The following LY86 variants were observed in gnomAD, a reference collection of about 807,000 sequenced individuals.
LY86 encodes lymphocyte antigen 86.
Under a neutral mutation model 17.3 loss-of-function variants are expected in LY86, and 20 were observed. The observed-to-expected ratio is 1.15, with a 90% CI of 0.81 to 1.68. The LOEUF (loss-of-function observed/expected upper bound fraction) is 1.68. Among genes scored for constraint, LY86 ranks in the 40% most tolerant of loss-of-function variants. The pLI, the probability that LY86 is intolerant of heterozygous loss-of-function variation, is 0.00. For missense variants in LY86, 200 were observed against 191.9 expected (o/e 1.04, Z -0.25); for synonymous variants, 74 against 70.6 (o/e 1.05, Z -0.24).
Position 6,606,140 on chromosome 6 carries a change from G to T in LY86, c.136+17270G>T, listed in dbSNP as rs550939686. On this transcript the variant is annotated intron_variant, in intron 1 of 4. Transcript: ENST00000230568. ...TCCATTTTACAGAGAAGGCCGAGTGGTCCATTTTGACAGGGCACTGATTGG... is the reference window on the plus strand; with the variant it reads ...TCCATTTTACAGAGAAGGCCGAGTGTTCCATTTTGACAGGGCACTGATTGG... Among the ~76,000 whole-genome samples, 21 of 152,258 alleles carry T rather than the reference G, an allele frequency of 1.4e-4. No homozygotes were observed. The South Asian group carries it at 4.0e-3, about 29-fold the overall frequency.
chr6:6,603,630 A>AC (rs1760995571), intron 1 of LY86, among the ~76,000 whole-genome samples: 1 of 127,438 alleles, frequency 7.8e-6, no homozygotes, highest in Middle Eastern at 4.3e-3. Context: ...AAAAAAAAAC[A>AC]AAACACACAC....
At chr6:6,637,822 C>T (rs939573057) in intron 3 of LY86, among the ~76,000 whole-genome samples, 1 of 152,228 alleles carries the variant, frequency 6.6e-6, no homozygotes, top group Non-Finnish European at 1.5e-5. Flanking sequence ...CTTCTCTTTG[C>T]TTCCATCATC....
chr6:6,623,546 G>C (rs542303256), intron 1 of LY86, among the ~76,000 whole-genome samples: 9 of 152,254 alleles, frequency 5.9e-5, no homozygotes, highest in African/African-American at 2.2e-4. Context: ...TGATTACCGA[G>C]AGCCCAGTGA....
intron 1 of LY86, among the ~76,000 whole-genome samples, chr6:6,602,322 C>G (rs1760934407): frequency 6.6e-6 from 1 of 152,224 alleles, no homozygotes; most frequent in Admixed American, 6.5e-5. Flanking sequence ...TGATAACTAG[C>G]AGACCCAAAT....
intron 3 of LY86, among the ~76,000 whole-genome samples, chr6:6,643,621 C>A (rs1282918863): frequency 6.6e-6 from 1 of 152,144 alleles, no homozygotes; most frequent in Non-Finnish European, 1.5e-5. Flanking sequence ...GTGTATTGTG[C>A]GTTGCTAACG....
chr6:6,611,133 T>C (rs1340072837), intron 1 of LY86, among the ~76,000 whole-genome samples: 1 of 152,236 alleles, frequency 6.6e-6, no homozygotes, highest in East Asian at 1.9e-4. Context: ...CTGGACTGTT[T>C]GCATTTATAT....
At chr6:6,632,064 G>A (rs562454431) in intron 3 of LY86, among the ~76,000 whole-genome samples, 1 of 152,300 alleles carries the variant, frequency 6.6e-6, no homozygotes, top group East Asian at 1.9e-4. Flanking sequence ...CAGGTATGCG[G>A]GGGCTGTCAC....
chr6:6,595,928 CT>C (rs1233093037), intron 1 of LY86, among the ~76,000 whole-genome samples: 1 of 152,168 alleles, frequency 6.6e-6, no homozygotes, highest in East Asian at 1.9e-4. Context: ...TGGCAGCCCC[CT>C]GGAAGCATCC....
chr6:6,637,454 A>G (rs1215304693), intron 3 of LY86, among the ~76,000 whole-genome samples: 1 of 152,178 alleles, frequency 6.6e-6, no homozygotes, highest in East Asian at 1.9e-4. Context: ...CCAGCATACT[A>G]TGACTAAGGA....
In LY86 at chr6:6,614,537, A is replaced by G. The variant is rs149587413; in HGVS notation, c.137-10389A>G. On this transcript the variant is annotated intron_variant, in intron 1 of 4. Transcript: ENST00000230568. ...TCTCCCAGCCCCACGCCGCCCACTC[A>G]CATCTGCCCAGCTCTGCTGTTCTTC... Among the ~76,000 whole-genome samples the G allele has an allele frequency of 2.6e-5, 4 of 152,090 alleles. No homozygotes were observed. The East Asian group carries it at 7.7e-4, about 29-fold the overall frequency.
intron 3 of LY86, among the ~76,000 whole-genome samples, chr6:6,640,546 C>G (rs545447898): frequency 1.1e-4 from 16 of 151,806 alleles, no homozygotes; most frequent in African/African-American, 3.9e-4. Flanking sequence ...ATAGGAAGAC[C>G]CCCATCTCTA....
At chr6:6,638,051 G>A (rs936564097) in intron 3 of LY86, among the ~76,000 whole-genome samples, 4 of 152,166 alleles carry the variant, frequency 2.6e-5, no homozygotes, top group African/African-American at 9.7e-5. Context: ...GAATGCCACT[G>A]AAAAAGTCAT....
At chr6:6,593,564 A>T (rs1760598809) in intron 1 of LY86, among the ~76,000 whole-genome samples, 2 of 152,264 alleles carry the variant, frequency 1.3e-5, no homozygotes, top group Admixed American at 1.3e-4. Context: ...GGTGCTTAGC[A>T]CATACTGTGC....
intron 1 of LY86, among the ~76,000 whole-genome samples, chr6:6,603,619 C>CAAAAAAAAAAAAAAAAA (rs758614233): frequency 8.5e-6 from 1 of 117,674 alleles, no homozygotes; most frequent in African/African-American, 3.1e-5. Context: ...AAAAAACAAA[C>CAAAAAAAAAAAAAAAAA]AAAAAAAAAC....
At position 6,592,602 on chromosome 6, in the gene LY86, T is replaced by C. The variant is rs116211172; in HGVS notation, c.136+3732T>C. 4.5e-3 allele frequency among the ~76,000 whole-genome samples: 680 copies of C among 152,312 alleles called. 6 individuals carry two copies. The highest frequency in any genetic ancestry group is 0.016 in the African/African-American group (651 of 41,560). ...GATTCATGTTAAACCCTAATCCCAG[T>C]GTGACAGCATTAGAAGGTGGGGCCT... On this transcript the variant is annotated intron_variant, in intron 1 of 4. Transcript: ENST00000230568.
chr6:6,590,703 A>G (rs557724389), intron 1 of LY86, among the ~76,000 whole-genome samples: 1 of 152,328 alleles, frequency 6.6e-6, no homozygotes, highest in East Asian at 1.9e-4. Flanking sequence ...AGATGGGGGC[A>G]AAATGCCGTT....
intron 1 of LY86, among the ~76,000 whole-genome samples, chr6:6,605,881 G>A (rs113205405): frequency 0.1 from 15,257 of 152,056 alleles, 2,158 homozygotes; most frequent in African/African-American, 0.32. Flanking sequence ...TTCGTTTCTC[G>A]CGGTGGGTTC....
intron 1 of LY86, among the ~76,000 whole-genome samples, chr6:6,589,992 G>A (rs952318756): frequency 3.3e-5 from 5 of 151,786 alleles, no homozygotes; most frequent in South Asian, 2.1e-4. Flanking sequence ...ATGGTGGCAC[G>A]CGCCTGTAAT....
chr6:6,612,379 T>C (rs1265872608), intron 1 of LY86, among the ~76,000 whole-genome samples: 5 of 152,244 alleles, frequency 3.3e-5, no homozygotes, highest in Admixed American at 2.6e-4. Context: ...GGAGTGTTAA[T>C]CATTTATTTT....
Sources: gnomAD v4.1 joint callset for allele counts (sites outside exome capture counted in the v4.1 genomes callset) on GRCh38, gnomAD v4.1.1 for gene constraint, MANE v1.5 for transcripts, NCBI Gene and HGNC (gene_info 2026-07-23, HGNC 2026-07-21) for gene names.